Variants in RABGEF1 observed in about 807,000 individuals in gnomAD.
RABGEF1 encodes the protein rab5 GDP/GTP exchange factor.
Under a neutral mutation model 57.3 loss-of-function variants are expected in RABGEF1, and 26 were observed. The observed-to-expected ratio is 0.45, with a 90% confidence interval of 0.33 to 0.63. RABGEF1 has a LOEUF of 0.63. Among genes scored for constraint, RABGEF1 ranks in the 20% least tolerant of loss-of-function variants. The pLI, the probability that RABGEF1 is intolerant of heterozygous loss-of-function variation, is 0.02. For missense variants in RABGEF1, 464 were observed against 607.6 expected, an observed-to-expected ratio of 0.76 and a Z score of 2.48; for synonymous variants, 185 against 210.7, an observed-to-expected ratio of 0.88 and a Z score of 1.06.
chr7:66,729,011 C>T (rs1432309644), intron 2 of RABGEF1, among the ~76,000 whole-genome samples: 1 of 149,540 alleles, frequency 6.7e-6, no homozygotes, highest in African/African-American at 2.5e-5. Context: ...AGTGCAGTGG[C>T]GCGATCTCGA....
chr7:66,683,727 C>CTTATTTATTTAT (rs10583686), intron 1 of RABGEF1, among the ~76,000 whole-genome samples: 6,221 of 149,364 alleles, frequency 0.042, 177 homozygotes, highest in Non-Finnish European at 0.051. Context: ...CAAGGAGGTG[C>CTTATTTATTTAT]TTATTTATTT....
At chr7:66,768,726 T>C (rs562153367) in intron 1 of RABGEF1, 2 of 152,376 alleles carry the variant, frequency 1.3e-5, no homozygotes, top group East Asian at 3.9e-4. Flanking sequence ...TCCATGCATA[T>C]GCAGCCTAGG....
chr7:66,702,347 T>TTG (rs58655312), intron 1 of RABGEF1, among the ~76,000 whole-genome samples: 20,243 of 143,732 alleles, frequency 0.14, 1,598 homozygotes, highest in South Asian at 0.24. Context: ...ATTGTTTTGT[T>TTG]TGTGTGTGTG....
chr7:66,753,700 C>CTTTTTTTT (rs1562788670), intron 1 of RABGEF1, among the ~76,000 whole-genome samples: 1 of 78,508 alleles, frequency 1.3e-5, no homozygotes, highest in African/African-American at 3.8e-5. Flanking sequence ...ATTTTGCCAT[C>CTTTTTTTT]GTTTTTTTTT....
intron 1 of RABGEF1, among the ~76,000 whole-genome samples, chr7:66,743,525 G>A (rs930547660): frequency 8.0e-5 from 12 of 150,878 alleles, no homozygotes; most frequent in African/African-American, 2.2e-4. Flanking sequence ...TTTTTGATAC[G>A]GAATCTGGCT....
Position 66,787,024 on chromosome 7 carries a change from AATT to A in RABGEF1, c.513+3193_513+3195del, listed in dbSNP as rs112284683. Among the ~76,000 whole-genome samples, 183 of 152,076 alleles carry A rather than the reference AATT, an allele frequency of 1.2e-3. 1 individual carries two copies. The highest frequency in any genetic ancestry group is 4.2e-3 in the African/African-American group (176 of 41,506). On this transcript the variant is annotated intron_variant, in intron 4 of 8. Transcript: ENST00000284957. ...AACCTAATCTGTACAACATAACTTG[AATT>A]ATTATTATTTCTTTTTGAGATAGGA...
chr7:66,772,644 C>T (rs1435405969), intron 2 of RABGEF1, among the ~76,000 whole-genome samples: 3 of 152,116 alleles, frequency 2.0e-5, no homozygotes, highest in East Asian at 1.9e-4. Context: ...CGCAGTGGCT[C>T]ACGCCTGTAA....
intron 2 of RABGEF1, among the ~76,000 whole-genome samples, chr7:66,773,076 G>GTTT: frequency 8.4e-6 from 1 of 118,668 alleles, no homozygotes. Context: ...CCTCTAGCTA[G>GTTT]TTGTTTGTTT....
chr7:66,732,962 T>C (rs1797512677), intron 2 of RABGEF1, among the ~76,000 whole-genome samples: 1 of 152,162 alleles, frequency 6.6e-6, no homozygotes. Context: ...CTTGCAAAAG[T>C]GGCAAGTCCA....
chr7:66,742,076 G>A (rs929724053), intron 1 of RABGEF1, among the ~76,000 whole-genome samples: 2 of 151,968 alleles, frequency 1.3e-5, no homozygotes, highest in Admixed American at 1.3e-4. Context: ...GCATGAACCC[G>A]GGAGGCGGAG....
intron 1 of RABGEF1, among the ~76,000 whole-genome samples, chr7:66,759,787 C>G (rs1269978006): frequency 6.6e-6 from 1 of 152,206 alleles, no homozygotes; most frequent in Non-Finnish European, 1.5e-5. Flanking sequence ...GCCCCATGAT[C>G]AGATCACCTT....
chr7:66,664,611 T>A, the RABGEF1 span, among the ~76,000 whole-genome samples: 2 of 152,006 alleles, frequency 1.3e-5, no homozygotes, highest in Non-Finnish European at 2.9e-5. Context: ...CTCTTAAATT[T>A]AAATTAAAAT....
intron 1 of RABGEF1, among the ~76,000 whole-genome samples, chr7:66,767,303 G>A (rs1224580390): frequency 2.0e-5 from 3 of 151,694 alleles, no homozygotes; most frequent in Admixed American, 6.6e-5. Context: ...GTGCCCAGCC[G>A]AGGTTTTTTT....
chr7:66,765,511 G>T (rs1028375653), intron 1 of RABGEF1, among the ~76,000 whole-genome samples: 1 of 152,110 alleles, frequency 6.6e-6, no homozygotes, highest in African/African-American at 2.4e-5. Context: ...GGACCAGGGT[G>T]TATGACTCAG....
chr7:66,721,214 C>T (rs763872526), intron 2 of RABGEF1, among the ~76,000 whole-genome samples: 4 of 152,156 alleles, frequency 2.6e-5, no homozygotes, highest in East Asian at 1.9e-4. Flanking sequence ...CCACTGTGCC[C>T]GGCCAAAAGA....
At chr7:66,736,332 A>G (rs1478029463), upstream of RABGEF1, among the ~76,000 whole-genome samples, 1 of 152,224 alleles carries the variant, frequency 6.6e-6, no homozygotes, top group African/African-American at 2.4e-5. Flanking sequence ...CTTTAGCAAA[A>G]GTCCTTTCAC....
intron 1 of RABGEF1, among the ~76,000 whole-genome samples, chr7:66,751,724 AT>A (rs1801476394): frequency 6.6e-6 from 1 of 152,108 alleles, no homozygotes; most frequent in Non-Finnish European, 1.5e-5. Context: ...ATACTGTCAT[AT>A]TTGTCTCTTG....
At chr7:66,739,639 G>T (rs1380979463), upstream of RABGEF1, among the ~76,000 whole-genome samples, 2 of 140,858 alleles carry the variant, frequency 1.4e-5, no homozygotes. Context: ...TCCAGTGTGG[G>T]CGACAGAGTG....
intron 1 of RABGEF1, among the ~76,000 whole-genome samples, chr7:66,693,291 C>T (rs1439056443): frequency 1.3e-5 from 2 of 152,220 alleles, no homozygotes; most frequent in African/African-American, 2.4e-5. Flanking sequence ...CCCCCCAGGG[C>T]ACCATCAAAA....
Sources: gnomAD v4.1 joint callset for allele counts (sites outside exome capture counted in the v4.1 genomes callset) on GRCh38, gnomAD v4.1.1 for gene constraint, MANE v1.5 for transcripts, NCBI Gene and HGNC (gene_info 2026-07-23, HGNC 2026-07-21) for gene names.